Variants in BTG4 observed in about 807,000 individuals in gnomAD.
BTG4 encodes BTG anti-proliferation factor 4.
A neutral mutation model predicts 19.3 loss-of-function variants in BTG4; 10 were observed. The ratio of observed to expected loss-of-function variants is 0.52; its 90% CI spans 0.32 to 0.88. BTG4 has a LOEUF of 0.88. BTG4 is among the 40% of genes least tolerant of loss of function. The probability of loss-of-function intolerance (pLI) is 0.04; values close to 1 mark genes in which losing one functional copy is unlikely to be tolerated. For synonymous variants in BTG4, 91 were observed against 95.7 expected (o/e 0.95, Z 0.29); for missense variants, 238 against 281.9 (o/e 0.84, Z 1.11).
chr11:111,488,937 G>C (rs966080658), intron 5 of BTG4, among the ~76,000 whole-genome samples: 2 of 152,038 alleles, frequency 1.3e-5, no homozygotes, highest in African/African-American at 4.8e-5. Context: ...CCTGAGGTTG[G>C]GAGTTCAAGA....
chr11:111,431,517 A>G, the BTG4 span, among the ~76,000 whole-genome samples: 1 of 152,218 alleles, frequency 6.6e-6, no homozygotes, highest in African/African-American at 2.4e-5. Context: ...TCCAAAACCT[A>G]CTTAGGGAAT....
At chr11:111,385,761 T>TA in the BTG4 span, 149 of 152,324 alleles carry the variant, frequency 9.8e-4, no homozygotes, top group African/African-American at 3.4e-3. Context: ...AAATAACTCT[T>TA]AGAAACTTAG....
At chr11:111,423,379 C>A in the BTG4 span, among the ~76,000 whole-genome samples, 4 of 152,252 alleles carry the variant, frequency 2.6e-5, no homozygotes, top group African/African-American at 4.8e-5. Flanking sequence ...TGCCATATCT[C>A]CATTGTCAAA....
At chr11:111,412,592 T>C in the BTG4 span, among the ~76,000 whole-genome samples, 6,014 of 152,276 alleles carry the variant, frequency 0.039, 129 homozygotes, top group Middle Eastern at 0.14. Flanking sequence ...TTACTATGTG[T>C]CAAAAACTGT....
chr11:111,464,690 T>C (rs1449820666), downstream of BTG4: 1 of 152,240 alleles, frequency 6.6e-6, no homozygotes, highest in East Asian at 1.9e-4. Flanking sequence ...CCTTTTCCCT[T>C]GTAGCTCCTG....
chr11:111,514,317 A>G (rs1411108202), upstream of BTG4: 1 of 198,808 alleles, frequency 5.0e-6, no homozygotes, highest in African/African-American at 2.3e-5. Flanking sequence ...TCAGGCCTCT[A>G]GCTCCCAAGG....
At chr11:111,503,892 C>T (rs895731958) in intron 1 of BTG4, among the ~76,000 whole-genome samples, 4 of 152,094 alleles carry the variant, frequency 2.6e-5, no homozygotes, top group African/African-American at 9.7e-5. Context: ...TCTGGTTCTA[C>T]ATTTGTCTTC....
intron 2 of BTG4, 104 bp downstream of exon 2, chr11:111,498,499 AC>A: frequency 9.9e-7 from 1 of 1,009,492 alleles, no homozygotes; most frequent in Non-Finnish European, 1.5e-6. Context: ...AGCCCATAAA[AC>A]TTTTGTTACT....
At chr11:111,446,624 A>AACACACACACACACAC in the BTG4 span, among the ~76,000 whole-genome samples, 95 of 146,942 alleles carry the variant, frequency 6.5e-4, no homozygotes, top group African/African-American at 2.1e-3. Flanking sequence ...GACACCAATA[A>AACACACACACACACAC]ACACACACAC....
intron 4 of BTG4, among the ~76,000 whole-genome samples, chr11:111,496,321 C>T (rs890588715): frequency 2.0e-5 from 3 of 152,062 alleles, no homozygotes; most frequent in Admixed American, 6.6e-5. Context: ...CATGGTGTTT[C>T]GGCTGCATAT....
the BTG4 span, among the ~76,000 whole-genome samples, chr11:111,431,935 C>T: frequency 4.6e-5 from 7 of 152,286 alleles, no homozygotes; most frequent in South Asian, 4.1e-4. Flanking sequence ...GACATGGAAT[C>T]AGGGTAGAAG....
At chr11:111,445,243 T>C in the BTG4 span, among the ~76,000 whole-genome samples, 1 of 152,182 alleles carries the variant, frequency 6.6e-6, no homozygotes, top group Non-Finnish European at 1.5e-5. Context: ...AAATGAGATG[T>C]TGGAATGAAC....
intron 1 of BTG4, among the ~76,000 whole-genome samples, chr11:111,507,454 A>G (rs1461354180): frequency 6.6e-6 from 1 of 152,100 alleles, no homozygotes; most frequent in Non-Finnish European, 1.5e-5. Context: ...CAAGGCCAAG[A>G]AAGTTCATCT....
downstream of BTG4, among the ~76,000 whole-genome samples, chr11:111,494,620 G>A (rs1865606920): frequency 1.3e-5 from 2 of 152,114 alleles, no homozygotes; most frequent in Non-Finnish European, 2.9e-5. Context: ...AGTGGTAGAG[G>A]GTGAGGGGAG....
upstream of BTG4, chr11:111,512,793 G>T: frequency 4.0e-6 from 1 of 246,970 alleles, no homozygotes. Context: ...AGGCCGGCGG[G>T]GGTCCCGCTG....
At chr11:111,493,864 G>T (rs1170598284), downstream of BTG4, among the ~76,000 whole-genome samples, 12 of 152,128 alleles carry the variant, frequency 7.9e-5, no homozygotes, top group Non-Finnish European at 1.2e-4. Flanking sequence ...CCAAAGTAAT[G>T]AGGCTAGAAT....
At chr11:111,500,075 G>T (rs1012106020) in intron 1 of BTG4, among the ~76,000 whole-genome samples, 2 of 151,936 alleles carry the variant, frequency 1.3e-5, no homozygotes, top group Non-Finnish European at 2.9e-5. Flanking sequence ...CCAGGAGGTG[G>T]AGGATGCAGT....
the BTG4 span, among the ~76,000 whole-genome samples, chr11:111,390,218 A>G: frequency 1.3e-5 from 2 of 152,236 alleles, no homozygotes; most frequent in African/African-American, 4.8e-5. Context: ...TCATTCATCC[A>G]TCCATCCATT....
At chr11:111,491,249 T>C (rs992357318), downstream of BTG4, among the ~76,000 whole-genome samples, 5 of 152,142 alleles carry the variant, frequency 3.3e-5, no homozygotes, top group African/African-American at 1.2e-4. Flanking sequence ...TGTGTGCAAC[T>C]ATAGAAGGGC....
Sources: gnomAD v4.1 joint callset for allele counts (sites outside exome capture counted in the v4.1 genomes callset) on GRCh38, gnomAD v4.1.1 for gene constraint, MANE v1.5 for transcripts, NCBI Gene and HGNC (gene_info 2026-07-23, HGNC 2026-07-21) for gene names.